Variants in WSB1 observed in about 807,000 individuals in gnomAD.
WSB1 encodes the protein WD repeat and SOCS box containing 1.
In WSB1, 23 loss-of-function variants were observed where a neutral mutation model predicts 50.2. The ratio of observed to expected loss-of-function variants is 0.46; its 90% confidence interval spans 0.33 to 0.65. The LOEUF is 0.65. Among genes scored for constraint, WSB1 ranks in the 30% least tolerant of loss-of-function variants. WSB1 has a pLI of 0.02. For synonymous variants in WSB1, 179 were observed against 172.0 expected, an observed-to-expected ratio of 1.04 and a Z score of -0.32; for missense variants, 492 against 522.3, an observed-to-expected ratio of 0.94 and a Z score of 0.56.
intron 1 of WSB1, among the ~76,000 whole-genome samples, chr17:27,295,231 C>T (rs2016905817): frequency 6.6e-6 from 1 of 152,202 alleles, no homozygotes; most frequent in African/African-American, 2.4e-5. Context: ...TTGGGGGGTG[C>T]TGTACATTGG....
intron 5 of WSB1, chr17:27,308,230 T>C (rs1335424803): frequency 1.6e-5 from 16 of 985,882 alleles, no homozygotes; most frequent in Non-Finnish European, 1.9e-5. Context: ...CCAAAAAGGA[T>C]TGCTTTACTC....
In WSB1 at chr17:27,312,326, C is replaced by T. The variant is rs771205789; in HGVS notation, c.1223C>T (p.Pro408Leu). The T allele has an allele frequency of 7.4e-6, 12 of 1,614,060 alleles. No individual in the cohort carries two copies. The highest frequency in any genetic ancestry group is 5.5e-5 in the South Asian group (5 of 91,074). The part of the protein sequence containing the change: ...VMPTQEVQEL[P>L]IPSKLLEFLS... The stretch of plus-strand genomic sequence containing the variant: ...CCCACCCAAGAAGTTCAGGAGCTGC[C>T]GATTCCTTCCAAGCTTTTGGAGTTT... Residue 408 changes from proline (P) to leucine (L), a missense_variant, in exon 9 of 9, where the codon CCG becomes CTG. Transcript: ENST00000262394.
chr17:27,304,486 C>T (rs2017359661), intron 3 of WSB1, among the ~76,000 whole-genome samples: 1 of 136,600 alleles, frequency 7.3e-6, no homozygotes, highest in African/African-American at 2.8e-5. Flanking sequence ...ATCACTTGAG[C>T]CCAGGAGTTT....
Position 27,309,151 on chromosome 17 carries a change from C to T in WSB1, c.763C>T (p.His255Tyr). ...CACCATGATACGGAAACTAGAAGGA[C>T]ATCACCATGATGTGGTAGCTTGTGA... ...KYTMIRKLEG[H>Y]HHDVVACDFS... Residue 255 changes from histidine to tyrosine, a missense_variant, in exon 6 of 9, where the codon CAT (histidine) becomes TAT (tyrosine). Physicochemically the swap from His to Tyr is moderately conservative, Grantham distance 83. Transcript: ENST00000262394. The T allele has an allele frequency of 6.2e-7, 1 of 1,612,956 alleles. No individual in the cohort carries two copies. The highest frequency in any genetic ancestry group is 1.1e-5 in the South Asian group (1 of 90,908).
intron 3 of WSB1, 145 bp from the exon 4 acceptor site, chr17:27,304,635 C>G: frequency 1.7e-6 from 1 of 605,998 alleles, no homozygotes; most frequent in Non-Finnish European, 2.6e-6. Flanking sequence ...TTGCTTGAAC[C>G]CAGGAGGTCG....
In WSB1 at chr17:27,304,838, T is replaced by C. The variant is rs766688174; in HGVS notation, c.537T>C (p.Ala179=). The C allele has an allele frequency of 6.2e-7, 1 of 1,614,100 alleles. No individual in the cohort carries two copies. The highest frequency in any genetic ancestry group is 8.5e-7 in the Non-Finnish European group (1 of 1,180,008). ...AAGTGGTCAGAGATTTAACTTTTGC[T>C]CCAGATGGAAGCTTGATCCTGGTGT... The part of the protein sequence containing the change: ...HTEVVRDLTF[A]PDGSLILVSA... Residue 179 remains alanine (A), a synonymous_variant, in exon 4 of 9, where the codon GCT becomes GCC. Transcript: ENST00000262394.
chr17:27,306,761 A>C (rs2017476866), intron 4 of WSB1, 21 bp from the exon 5 acceptor site: 1 of 1,611,824 alleles, frequency 6.2e-7, no homozygotes, highest in East Asian at 2.2e-5. Flanking sequence ...GGGTTAATAC[A>C]GATTATTTCT....
At chr17:27,312,090 G>T in intron 8 of WSB1, 120 bp from the exon 9 acceptor site, 1 of 1,353,308 alleles carries the variant, frequency 7.4e-7, no homozygotes, top group Non-Finnish European at 1.0e-6. Context: ...TCCTGGTTGG[G>T]TTTTAATGTG....
At chr17:27,312,108 T>C in intron 8 of WSB1, 102 bp from the exon 9 acceptor site, 1 of 1,462,450 alleles carries the variant, frequency 6.8e-7, no homozygotes, top group Non-Finnish European at 9.1e-7. Context: ...GTGAAGTTTG[T>C]GACTCCACTA....
At chr17:27,296,670 T>C (rs1009504921) in intron 1 of WSB1, among the ~76,000 whole-genome samples, 2 of 152,238 alleles carry the variant, frequency 1.3e-5, no homozygotes, top group Admixed American at 1.3e-4. Context: ...GAGCTAAATC[T>C]GGTTTGCTTG....
chr17:27,301,709 A>G, intron 1 of WSB1, 79 bp from the exon 2 acceptor site: 1 of 1,491,918 alleles, frequency 6.7e-7, no homozygotes, highest in South Asian at 1.2e-5. Flanking sequence ...AAGAAACTCA[A>G]TCCCAAAGTA....
At chr17:27,297,175 T>G (rs79100693) in intron 1 of WSB1, 1 of 152,196 alleles carries the variant, frequency 6.6e-6, no homozygotes, top group Non-Finnish European at 1.5e-5. Flanking sequence ...CTTTTTTTTT[T>G]GTTCCTTTGA....
chr17:27,307,916 A>C, intron 5 of WSB1: 1 of 1,290,340 alleles, frequency 7.7e-7, no homozygotes, highest in Non-Finnish European at 9.8e-7. Flanking sequence ...CTGTACGTAC[A>C]CAGGTGCTGG....
chr17:27,297,355 T>TG (rs888460205), intron 1 of WSB1: 10 of 152,160 alleles, frequency 6.6e-5, no homozygotes, highest in African/African-American at 2.4e-4. Flanking sequence ...TTAGTACAGA[T>TG]GGGGGGTTTC....
intron 1 of WSB1, among the ~76,000 whole-genome samples, chr17:27,295,889 G>GT (rs2016944754): frequency 6.6e-6 from 1 of 151,282 alleles, no homozygotes; most frequent in African/African-American, 2.4e-5. Context: ...CCAGGCTGGA[G>GT]TGCAATGGCA....
rs199513539 is a variant in WSB1, at chr17:27,306,855, G to A, written c.684G>A (p.Met228Ile). The change falls in exon 5 of 9, where the codon ATG becomes ATA. Residue 228 changes from methionine to isoleucine, a missense_variant. Transcript: ENST00000262394. ...YSCAFSPDSS[M>I]LCSVGASKAV... The stretch of plus-strand genomic sequence containing the variant: ...GTGCATTCTCTCCTGACTCTTCTAT[G>A]CTGTGTTCAGTCGGAGCCAGTAAAG... 3 of 1,614,168 alleles carry A rather than the reference G, an allele frequency of 1.9e-6. No homozygotes were observed. In the East Asian group the frequency reaches 6.7e-5, roughly 36 times the overall value.
intron 8 of WSB1, 151 bp downstream of exon 8, chr17:27,311,767 GACT>G: frequency 1.6e-6 from 1 of 614,654 alleles, no homozygotes; most frequent in South Asian, 2.3e-5. Context: ...GAGTAGCTGG[GACT>G]ACAGGTGCAC....
In WSB1 at chr17:27,312,225, T is replaced by C. The variant is rs771980962; in HGVS notation, c.1122T>C (p.Ser374=). The change falls in exon 9 of 9, where the codon AGT becomes AGC. Residue 374 remains serine (S), a synonymous_variant. Transcript: ENST00000262394. The part of the protein sequence containing the change: ...SVLAAGTHDG[S]VYFWATPRQV... ...TTCTGTTTAGGACACATGACGGAAG[T>C]GTGTATTTTTGGGCCACTCCACGGC... 6.2e-7 allele frequency: 1 copy of C among 1,611,618 alleles called. No individual in the cohort carries two copies. Among genetic ancestry groups the C allele is most frequent in the Admixed American group, 1.7e-5 (1 of 58,972 alleles).
intron 8 of WSB1, 94 bp from the exon 9 acceptor site, chr17:27,312,116 C>G (rs1452876146): frequency 1.6e-5 from 23 of 1,482,954 alleles, no homozygotes; most frequent in Non-Finnish European, 2.1e-5. Flanking sequence ...TGTGACTCCA[C>G]TACTCACATG....
Sources: allele counts gnomAD v4.1 joint callset (sites outside exome capture counted in the v4.1 genomes callset), GRCh38; gene constraint gnomAD v4.1.1; transcripts MANE v1.5; gene names NCBI Gene and HGNC (gene_info 2026-07-23, HGNC 2026-07-21).